HDAC4: variants seen among roughly 807,000 people sequenced by gnomAD.
The protein encoded by HDAC4 is histone deacetylase 4, also known as histone deacetylase A.
A neutral mutation model predicts 135.1 loss-of-function variants in HDAC4; 16 were observed. That is an observed-to-expected ratio of 0.12 (90% CI 0.08 to 0.18). The LOEUF (loss-of-function observed/expected upper bound fraction) is 0.18, where lower values mean the gene tolerates loss of function less well. HDAC4 is among the 10% of genes least tolerant of loss of function. The pLI is 1.00. For synonymous variants in HDAC4, 685 were observed against 653.4 expected (o/e 1.05, Z -0.74); for missense variants, 1,143 against 1,511.8 (o/e 0.76, Z 4.05).
At chr2:239,129,022 C>T (rs572043670) in intron 11 of HDAC4, among the ~76,000 whole-genome samples, 91 of 152,352 alleles carry the variant, frequency 6.0e-4, no homozygotes, top group African/African-American at 1.9e-3. Context: ...CACAAGCCTA[C>T]GCCCCATTGG....
chr2:239,101,049 TC>T (rs1435311881), intron 16 of HDAC4, among the ~76,000 whole-genome samples: 3 of 152,140 alleles, frequency 2.0e-5, no homozygotes, highest in Admixed American at 6.5e-5. Context: ...GCCTGAGCTG[TC>T]GGAGTCTGTG....
chr2:239,088,626 T>C (rs566987119), intron 18 of HDAC4, among the ~76,000 whole-genome samples: 36 of 151,880 alleles, frequency 2.4e-4, no homozygotes, highest in African/African-American at 8.7e-4. Context: ...CACCAGGGCG[T>C]GTGTGTGTGT....
At chr2:239,396,143 T>A (rs981894700) in intron 1 of HDAC4, among the ~76,000 whole-genome samples, 3 of 151,520 alleles carry the variant, frequency 2.0e-5, no homozygotes, top group African/African-American at 7.3e-5. Context: ...TGCCTGATTT[T>A]TTTTTTTTTT....
At chr2:239,321,390 G>A (rs975239223) in intron 2 of HDAC4, among the ~76,000 whole-genome samples, 8 of 145,524 alleles carry the variant, frequency 5.5e-5, no homozygotes, top group Admixed American at 4.3e-4. Context: ...GTGTGAACCC[G>A]GGAGACGGAG....
Position 239,107,221 on chromosome 2 carries a change from G to A in HDAC4, c.2112+829C>T, listed in dbSNP as rs552669441. On this transcript the variant is annotated intron_variant, in intron 15 of 26. Coordinates refer to ENST00000543185, the MANE Select transcript of HDAC4 (RefSeq NM_001378414.1). Reference sequence around the variant, plus strand: ...AGCTGGGACAGCCTCACCAAAGTGCGGCCCCCGTCCTGCCCTCAGGTGTTA... The same window carrying A: ...AGCTGGGACAGCCTCACCAAAGTGCAGCCCCCGTCCTGCCCTCAGGTGTTA... 9.1e-4 allele frequency among the ~76,000 whole-genome samples: 138 copies of A among 152,288 alleles called. 1 individual carries two copies. The highest frequency in any genetic ancestry group is 3.2e-3 in the African/African-American group (133 of 41,554).
chr2:239,278,736 G>A (rs984461845), intron 2 of HDAC4, among the ~76,000 whole-genome samples: 3 of 152,224 alleles, frequency 2.0e-5, no homozygotes, highest in Non-Finnish European at 4.4e-5. Context: ...GCTGTGGTTT[G>A]CTTTAATTCA....
intron 22 of HDAC4, among the ~76,000 whole-genome samples, chr2:239,070,925 T>C (rs2034125068): frequency 2.0e-5 from 1 of 49,594 alleles, no homozygotes; most frequent in Non-Finnish European, 3.7e-5. Context: ...GCAGTCTCTG[T>C]TGTTTTTTTT....
intron 2 of HDAC4, among the ~76,000 whole-genome samples, chr2:239,255,134 A>G (rs554593789): frequency 1.6e-4 from 24 of 152,346 alleles, no homozygotes; most frequent in African/African-American, 4.8e-4. Context: ...TTATGTCAGA[A>G]GGAAGAAAAT....
At chr2:239,274,254 A>G (rs983219021) in intron 2 of HDAC4, among the ~76,000 whole-genome samples, 3 of 152,198 alleles carry the variant, frequency 2.0e-5, no homozygotes, top group African/African-American at 4.8e-5. Flanking sequence ...TGGGCTCACA[A>G]TTGTGGAAGG....
rs777178324 is a variant in HDAC4, at chr2:239,066,725, G to A, written c.3000C>T (p.Asn1000=). 21 of 1,613,812 alleles carry A rather than the reference G, an allele frequency of 1.3e-5. No homozygotes were observed. In the South Asian group the frequency reaches 1.5e-4, roughly 12 times the overall value. The change falls in exon 24 of 27, where the codon AAC becomes AAT. Residue 1000 remains asparagine (N), a synonymous_variant. Transcript: ENST00000543185. The part of the protein sequence containing the change: ...SEACVSALLG[N]ELDPLPEKVL... ...GGGGTCTCTGGGGTCTTCCTACCTC[G>A]TTTCCCAGCAAGGCAGAAACACATG...
At chr2:239,217,569 T>G (rs2046709790) in intron 3 of HDAC4, among the ~76,000 whole-genome samples, 1 of 152,130 alleles carries the variant, frequency 6.6e-6, no homozygotes, top group South Asian at 2.1e-4. Context: ...AGAAAGTGTC[T>G]GTGCCGACGG....
At chr2:239,296,457 C>G (rs2051898518) in intron 2 of HDAC4, among the ~76,000 whole-genome samples, 1 of 152,206 alleles carries the variant, frequency 6.6e-6, no homozygotes, top group Non-Finnish European at 1.5e-5. Context: ...CAGATGCAGG[C>G]AGCCAGCTGA....
At chr2:239,152,315 CT>C (rs2042165204) in intron 7 of HDAC4, among the ~76,000 whole-genome samples, 1 of 152,234 alleles carries the variant, frequency 6.6e-6, no homozygotes, top group Non-Finnish European at 1.5e-5. Context: ...AGTTCTGTCT[CT>C]TCTGACTATA....
intron 12 of HDAC4, among the ~76,000 whole-genome samples, chr2:239,118,840 G>A (rs1475559301): frequency 6.6e-6 from 1 of 152,188 alleles, no homozygotes; most frequent in African/African-American, 2.4e-5. Context: ...AAAAGCATGT[G>A]TTTCAACACT....
chr2:239,114,926 T>C, intron 13 of HDAC4, 127 bp downstream of exon 13: 1 of 1,136,092 alleles, frequency 8.8e-7, no homozygotes, highest in Admixed American at 2.1e-5. Context: ...ACAAGACAGG[T>C]GAGACACTGG....
intron 17 of HDAC4, chr2:239,094,182 T>C (rs2152735167): frequency 4.1e-6 from 4 of 985,450 alleles, no homozygotes; most frequent in Non-Finnish European, 4.8e-6. Flanking sequence ...TGCAGGACCA[T>C]GATGGCCCGG....
rs1015514906 is a variant in HDAC4 at position 239,381,706 on chromosome 2, C to T, written c.-220+19272G>A. Among the ~76,000 whole-genome samples, 6 of 152,278 alleles carry T rather than the reference C, an allele frequency of 3.9e-5. No individual in the cohort carries two copies. In the East Asian group the frequency reaches 5.8e-4, roughly 15 times the overall value. On this transcript the variant is annotated intron_variant, in intron 1 of 26. Transcript: ENST00000543185. ...TCACCCTAGGTACCAATGACATTTG[C>T]GACGGACAATTCATTGTCCCATGTG...
At chr2:239,176,235 C>T (rs1017660660) in intron 5 of HDAC4, among the ~76,000 whole-genome samples, 178 bp downstream of exon 5, 1 of 151,454 alleles carries the variant, frequency 6.6e-6, no homozygotes, top group African/African-American at 2.4e-5. Context: ...CTCCCTCTGC[C>T]CAGCCTTCCG....
At chr2:239,246,143 G>A (rs999237896) in intron 2 of HDAC4, among the ~76,000 whole-genome samples, 1 of 152,232 alleles carries the variant, frequency 6.6e-6, no homozygotes, top group Non-Finnish European at 1.5e-5. Flanking sequence ...TCGGGTGATA[G>A]GGACAAAACG....
Sources: allele counts gnomAD v4.1 joint callset (sites outside exome capture counted in the v4.1 genomes callset), GRCh38; gene constraint gnomAD v4.1.1; transcripts MANE v1.5; gene names NCBI Gene and HGNC (gene_info 2026-07-23, HGNC 2026-07-21).